The following HTR1F variants were observed in gnomAD, a reference collection of about 807,000 sequenced individuals.
HTR1F encodes the protein 5-hydroxytryptamine (serotonin) receptor 1F, G protein-coupled.
Under a neutral mutation model 24.0 loss-of-function variants are expected in HTR1F, and 17 were observed. The ratio of observed to expected loss-of-function variants is 0.71; its 90% CI spans 0.48 to 1.06. The LOEUF (loss-of-function observed/expected upper bound fraction) is 1.06. Among genes scored for constraint, HTR1F ranks in the 50% least tolerant of loss-of-function variants. The pLI, the probability that HTR1F is intolerant of heterozygous loss-of-function variation, is 0.00. For synonymous variants in HTR1F, 186 were observed against 156.8 expected, an observed-to-expected ratio of 1.19 and a Z score of -1.39; for missense variants, 391 against 427.8, an observed-to-expected ratio of 0.91 and a Z score of 0.76.
intron 2 of HTR1F, among the ~76,000 whole-genome samples, chr3:87,875,779 C>G (rs1333148240): frequency 6.6e-6 from 1 of 151,770 alleles, no homozygotes; most frequent in Non-Finnish European, 1.5e-5. Flanking sequence ...AAAAAATTAG[C>G]TGGGCATGGT....
intron 2 of HTR1F, among the ~76,000 whole-genome samples, chr3:87,912,189 C>T (rs775943777): frequency 1.3e-5 from 2 of 151,500 alleles, no homozygotes; most frequent in Non-Finnish European, 2.9e-5. Flanking sequence ...ACAAAAGCTC[C>T]TTAAGATAAC....
intron 2 of HTR1F, among the ~76,000 whole-genome samples, chr3:87,974,190 T>A (rs1705344781): frequency 6.6e-6 from 1 of 152,264 alleles, no homozygotes. Flanking sequence ...GGGCAACATC[T>A]TTGCAGAATT....
intron 2 of HTR1F, among the ~76,000 whole-genome samples, chr3:87,870,531 G>T (rs1042267074): frequency 2.0e-5 from 3 of 152,052 alleles, no homozygotes; most frequent in African/African-American, 7.2e-5. Context: ...ACAGCTTGGT[G>T]CAATAAAGAA....
chr3:87,935,374 A>G (rs1255458654), intron 2 of HTR1F, among the ~76,000 whole-genome samples: 1 of 151,592 alleles, frequency 6.6e-6, no homozygotes, highest in Non-Finnish European at 1.5e-5. Context: ...AGTCAATTTC[A>G]CTCTTCTTTC....
chr3:87,955,315 G>C (rs1704920660), intron 2 of HTR1F, among the ~76,000 whole-genome samples: 1 of 151,254 alleles, frequency 6.6e-6, no homozygotes, highest in Non-Finnish European at 1.5e-5. Context: ...CCCTTTTTAT[G>C]TCTGGCTTCT....
chr3:87,818,684 C>A (rs1160498746), intron 1 of HTR1F, among the ~76,000 whole-genome samples: 1 of 152,144 alleles, frequency 6.6e-6, no homozygotes, highest in Non-Finnish European at 1.5e-5. Flanking sequence ...GTTTACCCAT[C>A]CACAGGTATA....
At chr3:87,873,079 T>C (rs1414186714) in intron 2 of HTR1F, among the ~76,000 whole-genome samples, 1 of 147,478 alleles carries the variant, frequency 6.8e-6, no homozygotes, top group Non-Finnish European at 1.5e-5. Context: ...AATGGATGGA[T>C]ACATACATGC....
chr3:87,921,990 G>T (rs1034876181), intron 2 of HTR1F, among the ~76,000 whole-genome samples: 12 of 151,900 alleles, frequency 7.9e-5, no homozygotes, highest in Admixed American at 7.2e-4. Flanking sequence ...AATTAACATG[G>T]GAGTGCAGAT....
intron 2 of HTR1F, among the ~76,000 whole-genome samples, chr3:87,884,591 T>C (rs1705890703): frequency 6.6e-6 from 1 of 152,150 alleles, no homozygotes; most frequent in Non-Finnish European, 1.5e-5. Context: ...CACTGTGCTA[T>C]ATTCAGGAGA....
intron 2 of HTR1F, among the ~76,000 whole-genome samples, chr3:87,931,833 G>C (rs907468183): frequency 2.0e-5 from 3 of 149,502 alleles, no homozygotes; most frequent in Non-Finnish European, 4.4e-5. Flanking sequence ...TCTTTTGGCT[G>C]CATAAATGTC....
intron 2 of HTR1F, among the ~76,000 whole-genome samples, chr3:87,876,202 CA>C (rs1442073918): frequency 6.6e-6 from 1 of 152,080 alleles, no homozygotes; most frequent in Non-Finnish European, 1.5e-5. Flanking sequence ...GAACATTCCT[CA>C]AAAAATTAAA....
chr3:87,918,725 T>C (rs532752005), intron 2 of HTR1F, among the ~76,000 whole-genome samples: 2 of 152,064 alleles, frequency 1.3e-5, no homozygotes, highest in East Asian at 3.9e-4. Flanking sequence ...ATTGTAGATT[T>C]CTTTCAAACA....
intron 1 of HTR1F, among the ~76,000 whole-genome samples, chr3:87,808,156 C>T (rs1348828007): frequency 6.6e-6 from 1 of 151,846 alleles, no homozygotes; most frequent in Non-Finnish European, 1.5e-5. Context: ...AGAATTTTCT[C>T]CTCTCCAATT....
chr3:87,800,986 C>T (rs542366817), intron 1 of HTR1F, among the ~76,000 whole-genome samples: 24 of 152,308 alleles, frequency 1.6e-4, no homozygotes, highest in East Asian at 1.5e-3. Context: ...CACTCAATAA[C>T]CCACTTTAGT....
At chr3:87,963,031 T>G (rs1705094057) in intron 2 of HTR1F, among the ~76,000 whole-genome samples, 1 of 152,030 alleles carries the variant, frequency 6.6e-6, no homozygotes, top group Non-Finnish European at 1.5e-5. Context: ...CTTCAGTAAT[T>G]TGCTAAGATT....
chr3:87,876,883 A>G (rs1300140260), intron 2 of HTR1F, among the ~76,000 whole-genome samples: 2 of 152,164 alleles, frequency 1.3e-5, no homozygotes, highest in African/African-American at 2.4e-5. Flanking sequence ...TAAAGTTCAT[A>G]TATATAAAAC....
chr3:87,884,035 A>G (rs1438480428), intron 2 of HTR1F, among the ~76,000 whole-genome samples: 3 of 152,180 alleles, frequency 2.0e-5, no homozygotes, highest in Non-Finnish European at 4.4e-5. Context: ...CCCAAGACAC[A>G]TAATTTTCAG....
intron 2 of HTR1F, among the ~76,000 whole-genome samples, chr3:87,976,411 C>T (rs1705396006): frequency 6.6e-6 from 1 of 152,074 alleles, no homozygotes; most frequent in South Asian, 2.1e-4. Flanking sequence ...TCTAGCTGGA[C>T]ACCATGGCAC....
intron 2 of HTR1F, among the ~76,000 whole-genome samples, chr3:87,864,886 C>A (rs1705391017): frequency 1.6e-5 from 2 of 121,538 alleles, no homozygotes; most frequent in African/African-American, 7.6e-5. Flanking sequence ...AGCAAGACTT[C>A]ATCTCAAAAA....
Sources: gnomAD v4.1 joint callset for allele counts (sites outside exome capture counted in the v4.1 genomes callset) on GRCh38, gnomAD v4.1.1 for gene constraint, MANE v1.5 for transcripts, NCBI Gene and HGNC (gene_info 2026-07-23, HGNC 2026-07-21) for gene names.